Variants in FAM135B observed in about 807,000 individuals in gnomAD.
The protein encoded by FAM135B is family with sequence similarity 135 member B.
In FAM135B, 43 loss-of-function variants were observed where a neutral mutation model predicts 127.7. The ratio of observed to expected loss-of-function variants is 0.34; its 90% CI spans 0.26 to 0.43. The LOEUF (loss-of-function observed/expected upper bound fraction) is 0.43, where lower values mean the gene tolerates loss of function less well. Among genes scored for constraint, FAM135B ranks in the 20% least tolerant of loss-of-function variants. The probability of loss-of-function intolerance (pLI) is 1.00; values close to 1 mark genes in which losing one functional copy is unlikely to be tolerated. For synonymous variants in FAM135B, 670 were observed against 665.1 expected (o/e 1.01, Z -0.11); for missense variants, 1,558 against 1,725.6 (o/e 0.90, Z 1.72).
intron 2 of FAM135B, chr8:138,358,412 C>T (rs1830219624): frequency 6.6e-6 from 1 of 152,168 alleles, no homozygotes; most frequent in African/African-American, 2.4e-5. Flanking sequence ...CTGGCACTGA[C>T]CAGCTGAGGA....
chr8:138,488,845 T>G (rs1278741244), intron 1 of FAM135B, among the ~76,000 whole-genome samples: 1 of 152,114 alleles, frequency 6.6e-6, no homozygotes, highest in African/African-American at 2.4e-5. Flanking sequence ...TTTCGTATTT[T>G]TTGTAGAGAT....
intron 1 of FAM135B, among the ~76,000 whole-genome samples, chr8:138,433,799 G>A (rs1187168923): frequency 6.6e-6 from 1 of 152,158 alleles, no homozygotes; most frequent in Admixed American, 6.5e-5. Context: ...GGGTTTGCTG[G>A]AGAGGGAGAG....
intron 7 of FAM135B, among the ~76,000 whole-genome samples, chr8:138,233,546 C>T (rs2130244174): frequency 6.6e-6 from 1 of 152,186 alleles, no homozygotes; most frequent in Non-Finnish European, 1.5e-5. Flanking sequence ...AACGTCAGAC[C>T]CAAAACTGTA....
At chr8:138,370,351 T>C (rs1587262417) in intron 1 of FAM135B, among the ~76,000 whole-genome samples, 1 of 152,132 alleles carries the variant, frequency 6.6e-6, no homozygotes. Context: ...TGGTGGGAAA[T>C]TGCCTTTTCC....
chr8:138,342,704 C>G (rs999648263), intron 2 of FAM135B, among the ~76,000 whole-genome samples: 1 of 152,200 alleles, frequency 6.6e-6, no homozygotes. Flanking sequence ...CACAGGCCCC[C>G]TCCAATGTCC....
At chr8:138,397,029 G>A (rs1379928787) in intron 1 of FAM135B, among the ~76,000 whole-genome samples, 2 of 152,164 alleles carry the variant, frequency 1.3e-5, no homozygotes, top group African/African-American at 2.4e-5. Flanking sequence ...GCAATGATGG[G>A]AGCCAGGTGT....
intron 1 of FAM135B, among the ~76,000 whole-genome samples, chr8:138,451,762 C>T (rs1836497659): frequency 6.6e-6 from 1 of 152,160 alleles, no homozygotes; most frequent in East Asian, 1.9e-4. Context: ...GCACTCCACA[C>T]CCAGGGTCCC....
At chr8:138,422,764 G>A (rs1834589263) in intron 1 of FAM135B, among the ~76,000 whole-genome samples, 1 of 152,170 alleles carries the variant, frequency 6.6e-6, no homozygotes, top group African/African-American at 2.4e-5. Context: ...ATTATTGGGT[G>A]TATATCCAAT....
chr8:138,485,691 G>A (rs2131687524), intron 1 of FAM135B, among the ~76,000 whole-genome samples: 1 of 152,254 alleles, frequency 6.6e-6, no homozygotes, highest in East Asian at 1.9e-4. Context: ...GAAAAGTACT[G>A]CTGAAATTCC....
intron 1 of FAM135B, among the ~76,000 whole-genome samples, chr8:138,401,288 C>A (rs1213342274): frequency 6.6e-6 from 1 of 152,148 alleles, no homozygotes; most frequent in African/African-American, 2.4e-5. Context: ...TAGGTTATTA[C>A]CTGGACTGAT....
chr8:138,347,926 G>C (rs1286540270), intron 2 of FAM135B, among the ~76,000 whole-genome samples: 4 of 152,054 alleles, frequency 2.6e-5, no homozygotes, highest in Admixed American at 2.6e-4. Flanking sequence ...AGAAATAAAT[G>C]AGATAATAAA....
chr8:138,153,970 GAACA>G (rs1274692944), intron 12 of FAM135B, among the ~76,000 whole-genome samples: 1 of 152,222 alleles, frequency 6.6e-6, no homozygotes, highest in Non-Finnish European at 1.5e-5. Context: ...TGAAATCTGA[GAACA>G]GACAGACTGC....
chr8:138,199,823 G>A (rs2131157816), intron 7 of FAM135B, among the ~76,000 whole-genome samples: 1 of 152,194 alleles, frequency 6.6e-6, no homozygotes, highest in African/African-American at 2.4e-5. Context: ...ACAGCAGAGG[G>A]GGAAACTGCC....
chr8:138,135,341 T>C (rs776140788), intron 19 of FAM135B, among the ~76,000 whole-genome samples: 3 of 152,200 alleles, frequency 2.0e-5, no homozygotes, highest in Non-Finnish European at 4.4e-5. Flanking sequence ...CTATGTTTAG[T>C]CAAGTCTGAA....
intron 7 of FAM135B, among the ~76,000 whole-genome samples, chr8:138,201,993 C>T (rs1817162946): frequency 6.6e-6 from 1 of 152,002 alleles, no homozygotes; most frequent in Non-Finnish European, 1.5e-5. Context: ...GGCGTGGTGG[C>T]ACATGCCTGT....
intron 7 of FAM135B, among the ~76,000 whole-genome samples, chr8:138,212,911 T>G (rs1818251543): frequency 6.6e-6 from 1 of 152,230 alleles, no homozygotes; most frequent in Admixed American, 6.5e-5. Context: ...TCTTTACTTT[T>G]ATAATGTGGC....
intron 1 of FAM135B, among the ~76,000 whole-genome samples, chr8:138,411,329 A>C (rs1239210226): frequency 6.6e-6 from 1 of 152,150 alleles, no homozygotes; most frequent in African/African-American, 2.4e-5. Context: ...CCTCAGAAAT[A>C]ATGCCACATA....
chr8:138,391,609 G>C (rs1190515018), intron 1 of FAM135B, among the ~76,000 whole-genome samples: 1 of 152,154 alleles, frequency 6.6e-6, no homozygotes, highest in Non-Finnish European at 1.5e-5. Context: ...GCTAGCTGGT[G>C]GGCCATCCAC....
chr8:138,148,820 C>T, intron 13 of FAM135B, 134 bp from the exon 14 acceptor site: 1 of 597,446 alleles, frequency 1.7e-6, no homozygotes, highest in Non-Finnish European at 2.9e-6. Context: ...TGACTTGAGC[C>T]CCCAGGGAAC....
Sources: gnomAD v4.1 joint callset for allele counts (sites outside exome capture counted in the v4.1 genomes callset) on GRCh38, gnomAD v4.1.1 for gene constraint, MANE v1.5 for transcripts, NCBI Gene and HGNC (gene_info 2026-07-23, HGNC 2026-07-21) for gene names.